The following DNPEP variants were observed in gnomAD, a reference collection of about 807,000 sequenced individuals.
The protein encoded by DNPEP is aspartyl aminopeptidase.
Under a neutral mutation model 59.1 loss-of-function variants are expected in DNPEP, and 46 were observed. That is an observed-to-expected ratio of 0.78 (90% CI 0.61 to 0.99). The LOEUF (loss-of-function observed/expected upper bound fraction) is 0.99. Ranked by LOEUF, DNPEP falls within the 50% of genes least tolerant of loss-of-function variation. DNPEP has a pLI of 0.00. For missense variants in DNPEP, 617 were observed against 649.9 expected (o/e 0.95, Z 0.55); for synonymous variants, 229 against 242.2 (o/e 0.95, Z 0.50).
intron 13 of DNPEP, among the ~76,000 whole-genome samples, chr2:219,375,401 TAAG>T (rs1953331264): frequency 1.3e-5 from 2 of 151,998 alleles, no homozygotes; most frequent in African/African-American, 4.8e-5. Flanking sequence ...GGTAAAAAAA[TAAG>T]AAAATGAAAA....
chr2:219,387,894 T>G lies in DNPEP; in HGVS notation c.-100A>C. On this transcript the variant is annotated 5_prime_UTR_variant, in exon 1 of 15. Transcript: ENST00000273075. ...GCCCCTTCAGGCCGCGCCGCACTCG[T>G]AGGCCTTCATCACGCTTCCCCGGCC... is the stretch of plus-strand genomic sequence containing the variant. The G allele has an allele frequency of 7.3e-7, 1 of 1,379,234 alleles. No homozygotes were observed. The highest frequency in any genetic ancestry group is 9.4e-7 in the Non-Finnish European group (1 of 1,067,240). The allele number at this position is 1,379,234 out of a possible 1,614,324, so 85.4% of individuals were successfully genotyped here. A position where few individuals can be genotyped will look rare whatever the true frequency, so the allele number is the denominator to read the frequency against.
At chr2:219,394,156 C>T (rs895480520) in intron 1 of DNPEP, among the ~76,000 whole-genome samples, 3 of 152,202 alleles carry the variant, frequency 2.0e-5, no homozygotes, top group African/African-American at 7.2e-5. Flanking sequence ...CGATTCCTCT[C>T]CTCCCATTCT....
chr2:219,382,130 C>A lies in DNPEP; in HGVS notation c.946G>T (p.Glu316Ter). Residue 316 changes from glutamate (E) to a stop codon, truncating the protein, a stop_gained, in exon 11 of 15, where the codon GAG becomes TAG. Transcript: ENST00000273075. LOFTEE classifies it high-confidence loss of function. ...TLYDNEEVGS[E>*]SAQGAQSLLT... is the part of the protein sequence containing the mutation. The stretch of plus-strand genomic sequence containing the variant: ...AGTGACTGTGCTCCCTGTGCACTCT[C>A]AGACCCCACCTGGCGACAGTAGAGT... 6.2e-7 allele frequency: 1 copy of A among 1,610,662 alleles called. No homozygotes were observed. The highest frequency in any genetic ancestry group is 2.2e-5 in the East Asian group (1 of 44,872).
chr2:219,385,712 G>T lies in DNPEP; in HGVS notation c.591-6C>A. 6.3e-7 allele frequency: 1 copy of T among 1,597,098 alleles called. No homozygotes were observed. The highest frequency in any genetic ancestry group is 1.1e-5 in the South Asian group (1 of 88,636). ...CTGTGGCAAGAATGGGGACTCTGTG[G>T]GGAGACGTGGGTTGTGGGGGGATTG... On this transcript the variant is annotated splice_polypyrimidine_tract_variant and splice_region_variant and intron_variant, in intron 6 of 14. Coordinates refer to ENST00000273075, the MANE Select transcript of DNPEP (RefSeq NM_012100.4).
rs1953891109 is a variant in DNPEP at position 219,387,321 on chromosome 2, T to A, written c.37-158A>T. ...CCACCGAGAGACCCAAACCCAGGGC[T>A]GAAACTCCGTTGAAAGCTTCAGCCC... On this transcript the variant is annotated intron_variant, in intron 1 of 14. Coordinates refer to ENST00000273075, the MANE Select transcript of DNPEP (RefSeq NM_012100.4). 23 of 1,442,258 alleles carry A rather than the reference T, an allele frequency of 1.6e-5. No individual in the cohort carries two copies. In the East Asian group the frequency reaches 5.8e-4, roughly 36 times the overall value. The allele number at this position is 1,442,258 out of a possible 1,614,324, so 89.3% of individuals were successfully genotyped here. A position where few individuals can be genotyped will look rare whatever the true frequency, so the allele number is the denominator to read the frequency against.
rs537406059 is a variant in DNPEP at position 219,384,760 on chromosome 2, G to A, written c.775-317C>T. The A allele has an allele frequency of 2.4e-4, 61 of 258,390 alleles. 3 individuals carry two copies. The highest frequency in any genetic ancestry group is 2.3e-3 in the South Asian group (59 of 26,192). The allele number at this position is 258,390 out of a possible 1,614,324, so 16.0% of individuals were successfully genotyped here. ...ATTTTTGTATTTTTATTAGAGACAG[G>A]GTTTCACCATGGTGGTCAGGCTAGT... On this transcript the variant is annotated intron_variant, in intron 8 of 14. Transcript: ENST00000273075.
chr2:219,395,866 A>G lies in DNPEP; in HGVS notation c.-158+4074T>C, dbSNP rs1386246546. 2.0e-5 allele frequency among the ~76,000 whole-genome samples: 3 copies of G among 152,216 alleles called. No homozygotes were observed. The East Asian group carries it at 5.8e-4, about 29-fold the overall frequency. ...TGGAAGTAACCTGCTGGCCTGTGACATGTAATCAATTTTACTTTGCTGCTG... is the reference window on the plus strand; with the variant it reads ...TGGAAGTAACCTGCTGGCCTGTGACGTGTAATCAATTTTACTTTGCTGCTG... On this transcript the variant is annotated intron_variant, in intron 1 of 6. Coordinates refer to the DNPEP transcript ENST00000434339.
chr2:219,385,192 T>G, intron 8 of DNPEP: 1 of 478,446 alleles, frequency 2.1e-6, no homozygotes, highest in Non-Finnish European at 3.8e-6. Flanking sequence ...TCTTTGGGAA[T>G]CTGTAAAAAG....
intron 9 of DNPEP, 116 bp downstream of exon 9, chr2:219,384,250 C>T (rs918716501): frequency 5.8e-5 from 56 of 960,732 alleles, no homozygotes; most frequent in Non-Finnish European, 7.5e-5. Context: ...GCAGACTGAG[C>T]GGGTAGACAA....
chr2:219,392,345 CTTTTT>C (rs1321818734), upstream of DNPEP, among the ~76,000 whole-genome samples: 1 of 142,678 alleles, frequency 7.0e-6, no homozygotes, highest in African/African-American at 2.5e-5. Context: ...ATACATATGT[CTTTTT>C]TTTTTTTTTT....
chr2:219,386,806 G>A (rs1252178532), intron 3 of DNPEP, 28 bp from the exon 4 acceptor site: 4 of 1,609,640 alleles, frequency 2.5e-6, no homozygotes, highest in Non-Finnish European at 3.4e-6. Context: ...AAAGACAGGG[G>A]TGTGAGTTGC....
chr2:219,389,029 A>C (rs1292632055), upstream of DNPEP: 1 of 228,030 alleles, frequency 4.4e-6, no homozygotes, highest in Non-Finnish European at 7.3e-6. Flanking sequence ...TCTTTTCTGG[A>C]CCTTTTTCTA....
chr2:219,379,505 A>G (rs555805165), intron 13 of DNPEP, among the ~76,000 whole-genome samples: 8 of 152,350 alleles, frequency 5.3e-5, no homozygotes, highest in African/African-American at 1.9e-4. Flanking sequence ...TTAAAAATAG[A>G]AAAAAGCTTA....
At chr2:219,387,713 C>T (rs1953911197) in intron 1 of DNPEP, 46 bp downstream of exon 1, 6 of 1,607,192 alleles carry the variant, frequency 3.7e-6, no homozygotes, top group Non-Finnish European at 5.1e-6. Flanking sequence ...GGCGCCGGAC[C>T]CGGTCTGGGA....
At chr2:219,392,339 A>G (rs538943710), upstream of DNPEP, among the ~76,000 whole-genome samples, 3 of 151,032 alleles carry the variant, frequency 2.0e-5, no homozygotes, top group Non-Finnish European at 4.4e-5. Context: ...TATAAGATAC[A>G]TATGTCTTTT....
In DNPEP at chr2:219,372,064, T is replaced by G. The variant is rs1296251284; in HGVS notation, c.*2228A>C. ...TATGTACATTTATCTCAATGTTATT[T>G]AGAGTTGTCAACTGGAGAAAAACTT... On this transcript the variant is annotated 3_prime_UTR_variant, in exon 15 of 15. Transcript: ENST00000273075. 1.3e-5 allele frequency among the ~76,000 whole-genome samples: 2 copies of G among 152,186 alleles called. No homozygotes were observed. The highest frequency in any genetic ancestry group is 4.8e-5 in the African/African-American group (2 of 41,448).
At chr2:219,384,187 G>A (rs1953713929) in intron 9 of DNPEP, among the ~76,000 whole-genome samples, 179 bp downstream of exon 9, 1 of 152,234 alleles carries the variant, frequency 6.6e-6, no homozygotes, top group Non-Finnish European at 1.5e-5. Flanking sequence ...GACCAAAGGT[G>A]GCGATGCTGA....
chr2:219,396,229 C>T (rs1051502546), intron 1 of DNPEP, among the ~76,000 whole-genome samples: 1 of 152,128 alleles, frequency 6.6e-6, no homozygotes, highest in African/African-American at 2.4e-5. Context: ...GTGGTTATGA[C>T]TCTAACCATG....
chr2:219,381,148 A>T (rs1391096838), intron 13 of DNPEP, among the ~76,000 whole-genome samples, 187 bp downstream of exon 13: 1 of 152,246 alleles, frequency 6.6e-6, no homozygotes, highest in Admixed American at 6.5e-5. Flanking sequence ...CCAAGGTCAC[A>T]CAGCTAGCAC....
Sources: gnomAD v4.1 joint callset for allele counts (sites outside exome capture counted in the v4.1 genomes callset) on GRCh38, gnomAD v4.1.1 for gene constraint, MANE v1.5 for transcripts, NCBI Gene and HGNC (gene_info 2026-07-23, HGNC 2026-07-21) for gene names.